TMEM117: variants seen among roughly 807,000 people sequenced by gnomAD.
The protein encoded by TMEM117 is transmembrane protein 117.
In TMEM117, 27 loss-of-function variants were observed where a neutral mutation model predicts 52.4. That is an observed-to-expected ratio of 0.51 (90% CI 0.38 to 0.71). The LOEUF (loss-of-function observed/expected upper bound fraction) is 0.71, where lower values mean the gene tolerates loss of function less well. Among genes scored for constraint, TMEM117 ranks in the 30% least tolerant of loss-of-function variants. TMEM117 has a pLI of 0.00. For missense variants in TMEM117, 556 were observed against 630.5 expected, an observed-to-expected ratio of 0.88 and a Z score of 1.26; for synonymous variants, 215 against 206.3, an observed-to-expected ratio of 1.04 and a Z score of -0.36.
chr12:44,209,749 A>G lies in TMEM117; in HGVS notation c.511-1541A>G, dbSNP rs573317655. Among the ~76,000 whole-genome samples the G allele has an allele frequency of 7.9e-5, 12 of 152,260 alleles. No homozygotes were observed. The South Asian group carries it at 2.5e-3, about 32-fold the overall frequency. The stretch of plus-strand genomic sequence containing the variant: ...TGGGAACTCTATTCCTAGAAATGAC[A>G]TTGAGAAATAATATGAAGAATTAAA... On this transcript the variant is annotated intron_variant, in intron 4 of 7. Transcript: ENST00000266534.
chr12:44,226,255 T>C (rs1949859179), intron 5 of TMEM117, among the ~76,000 whole-genome samples: 1 of 152,120 alleles, frequency 6.6e-6, no homozygotes, highest in South Asian at 2.1e-4. Flanking sequence ...CATGGCCATC[T>C]TTTCCATGTA....
chr12:44,202,498 T>C (rs1592602256), intron 4 of TMEM117, among the ~76,000 whole-genome samples: 1 of 152,320 alleles, frequency 6.6e-6, no homozygotes. Context: ...TAAAGCCTAC[T>C]TGATTGTGGC....
Position 43,963,246 on chromosome 12 carries a change from A to T in TMEM117, c.410+18904A>T, listed in dbSNP as rs200395229. Among the ~76,000 whole-genome samples the T allele has an allele frequency of 1.1e-4, 16 of 151,772 alleles. No individual in the cohort carries two copies. The East Asian group carries it at 2.9e-3, about 27-fold the overall frequency. On this transcript the variant is annotated intron_variant, in intron 3 of 7. Coordinates refer to ENST00000266534, the MANE Select transcript of TMEM117 (RefSeq NM_032256.3). ...ACACTATATATATATCTCTATGTGT[A>T]TGTGTAATATCCATTATTAGGTAAT...
intron 3 of TMEM117, among the ~76,000 whole-genome samples, chr12:44,075,403 C>G (rs189163235): frequency 2.2e-4 from 34 of 152,340 alleles, no homozygotes; most frequent in Admixed American, 1.2e-3. Flanking sequence ...GCACCCTGGT[C>G]AGGAGGGCCC....
In TMEM117 at chr12:44,161,153, T is replaced by C. The variant is rs943095268; in HGVS notation, c.510+17529T>C. On this transcript the variant is annotated intron_variant, in intron 4 of 7. Coordinates refer to ENST00000266534, the MANE Select transcript of TMEM117 (RefSeq NM_032256.3). ...AAAATACATATTTCTCTTTACTCAA[T>C]AGTTAACATAAACACAAATTAAACC... 3.3e-5 allele frequency among the ~76,000 whole-genome samples: 5 copies of C among 152,302 alleles called. No homozygotes were observed. The South Asian group carries it at 1.0e-3, about 32-fold the overall frequency.
At chr12:43,799,591 A>T in the TMEM117 span, 20 of 595,146 alleles carry the variant, frequency 3.4e-5, no homozygotes, top group African/African-American at 3.6e-4. Flanking sequence ...TCATTAACAG[A>T]AAAGATTTTA....
chr12:44,145,402 G>A (rs1948629575), intron 4 of TMEM117, among the ~76,000 whole-genome samples: 1 of 152,084 alleles, frequency 6.6e-6, no homozygotes, highest in Non-Finnish European at 1.5e-5. Context: ...CCTATGGTTC[G>A]ACCTTCCTAC....
At chr12:44,204,611 A>T (rs1268588475) in intron 4 of TMEM117, among the ~76,000 whole-genome samples, 1 of 151,854 alleles carries the variant, frequency 6.6e-6, no homozygotes, top group African/African-American at 2.4e-5. Context: ...AATCCTAAGC[A>T]AACAGCACAA....
At chr12:43,819,406 A>G in the TMEM117 span, among the ~76,000 whole-genome samples, 3 of 152,132 alleles carry the variant, frequency 2.0e-5, no homozygotes, top group Admixed American at 6.5e-5. Context: ...ATTTCCCCTT[A>G]TGGTATTTCA....
At chr12:44,132,426 C>A (rs1948429253) in intron 3 of TMEM117, among the ~76,000 whole-genome samples, 1 of 151,950 alleles carries the variant, frequency 6.6e-6, no homozygotes, top group Admixed American at 6.6e-5. Context: ...TACCTGGTGG[C>A]CTAACAACTC....
chr12:44,074,852 A>G (rs1947356661), intron 3 of TMEM117, among the ~76,000 whole-genome samples: 1 of 152,160 alleles, frequency 6.6e-6, no homozygotes, highest in Non-Finnish European at 1.5e-5. Context: ...TAGAATCCTT[A>G]AGAACATGCT....
At chr12:44,054,304 T>C (rs1463017042) in intron 3 of TMEM117, among the ~76,000 whole-genome samples, 2 of 152,224 alleles carry the variant, frequency 1.3e-5, no homozygotes, top group African/African-American at 4.8e-5. Context: ...TCAGAAATGT[T>C]TGAGGGAACT....
intron 4 of TMEM117, among the ~76,000 whole-genome samples, chr12:44,207,854 G>C (rs953813343): frequency 3.3e-5 from 5 of 151,758 alleles, no homozygotes; most frequent in Non-Finnish European, 7.4e-5. Flanking sequence ...ACCCAGGCAG[G>C]CTGGCTCTGG....
intron 2 of TMEM117, among the ~76,000 whole-genome samples, chr12:43,922,610 T>C (rs1037182633): frequency 2.6e-5 from 4 of 152,192 alleles, no homozygotes; most frequent in Admixed American, 2.6e-4. Flanking sequence ...GCTTTGAGGT[T>C]TGGTTAAACA....
At position 44,086,981 on chromosome 12, in the gene TMEM117, T is replaced by C. The variant is rs551201431; in HGVS notation, c.411-56544T>C. Among the ~76,000 whole-genome samples the C allele has an allele frequency of 1.2e-4, 18 of 145,400 alleles. No homozygotes were observed. The South Asian group carries it at 3.8e-3, about 30-fold the overall frequency. ...TAATTAATAATTATAAATTATATAA[T>C]ATATAATTAATAATTATAAATTATG... On this transcript the variant is annotated intron_variant, in intron 3 of 7. Transcript: ENST00000266534.
At chr12:44,355,278 G>T (rs1951630981) in intron 6 of TMEM117, among the ~76,000 whole-genome samples, 1 of 151,960 alleles carries the variant, frequency 6.6e-6, no homozygotes, top group Admixed American at 6.6e-5. Flanking sequence ...TATAATAATG[G>T]GATAGTGTTT....
chr12:44,170,672 G>A (rs1159141708), intron 4 of TMEM117, among the ~76,000 whole-genome samples: 1 of 152,128 alleles, frequency 6.6e-6, no homozygotes, highest in African/African-American at 2.4e-5. Context: ...ACCTCCTGGA[G>A]GCAGAACCAG....
intron 7 of TMEM117, among the ~76,000 whole-genome samples, chr12:44,383,639 A>G (rs536948351): frequency 6.6e-6 from 1 of 152,318 alleles, no homozygotes; most frequent in African/African-American, 2.4e-5. Flanking sequence ...TTGAAACAAC[A>G]GGGGAAAATG....
intron 3 of TMEM117, among the ~76,000 whole-genome samples, chr12:43,952,093 G>C (rs1054165665): frequency 6.6e-6 from 1 of 152,014 alleles, no homozygotes; most frequent in Non-Finnish European, 1.5e-5. Flanking sequence ...AATAACAACA[G>C]CAACAACAAC....
Sources: allele counts gnomAD v4.1 joint callset (sites outside exome capture counted in the v4.1 genomes callset), GRCh38; gene constraint gnomAD v4.1.1; transcripts MANE v1.5; gene names NCBI Gene and HGNC (gene_info 2026-07-23, HGNC 2026-07-21).